GRIA1: variants seen among roughly 807,000 people sequenced by gnomAD.
GRIA1 encodes the protein glutamate ionotropic receptor AMPA type subunit 1.
GRIA1 carries 31 observed loss-of-function variants against 99.2 expected under a neutral mutation model. That is an observed-to-expected ratio of 0.31 (90% CI 0.23 to 0.42). The LOEUF is 0.42. GRIA1 is among the 10% of genes least tolerant of loss of function. GRIA1 has a pLI of 1.00. For missense variants in GRIA1, 782 were observed against 1,157.5 expected (o/e 0.68, Z 4.71); for synonymous variants, 438 against 432.4 (o/e 1.01, Z -0.16).
chr5:153,749,520 G>A (rs376121528), intron 11 of GRIA1, among the ~76,000 whole-genome samples: 39 of 152,284 alleles, frequency 2.6e-4, no homozygotes, highest in African/African-American at 9.2e-4. Context: ...ATCACATGGA[G>A]AGAGAGGGAG....
intron 10 of GRIA1, among the ~76,000 whole-genome samples, chr5:153,704,648 GCTATTATT>G (rs1758762980): frequency 1.3e-5 from 2 of 152,128 alleles, no homozygotes; most frequent in South Asian, 4.1e-4. Flanking sequence ...TTCATCACAG[GCTATTATT>G]CCCATGGTTC....
chr5:153,578,875 T>C (rs901313303), intron 2 of GRIA1, among the ~76,000 whole-genome samples: 2 of 152,074 alleles, frequency 1.3e-5, no homozygotes, highest in Non-Finnish European at 2.9e-5. Context: ...ACCATTGCAC[T>C]CCAGCCTGGG....
At chr5:153,686,529 T>C (rs1217627057) in intron 8 of GRIA1, among the ~76,000 whole-genome samples, 200 bp downstream of exon 8, 5 of 152,206 alleles carry the variant, frequency 3.3e-5, no homozygotes, top group African/African-American at 1.2e-4. Context: ...ATCCATTCAT[T>C]CATTTGCAAA....
chr5:153,584,091 CA>C (rs1459625503), intron 2 of GRIA1, among the ~76,000 whole-genome samples: 1 of 152,138 alleles, frequency 6.6e-6, no homozygotes, highest in African/African-American at 2.4e-5. Context: ...GCCTCCATCC[CA>C]AAGGATATGG....
rs1229374255 is a variant in GRIA1 at position 153,698,064 on chromosome 5, T to C, written c.1155T>C (p.Asp385=). 1.2e-6 allele frequency: 2 copies of C among 1,604,534 alleles called. No homozygotes were observed. Among genetic ancestry groups the C allele is most frequent in the African/African-American group, 1.3e-5 (1 of 74,860 alleles). ...AACAGATTGGTTACTGGAATGAAGA[T>C]GATAAGTTTGTCCCTGCAGCCACCG... ...GIRKIGYWNE[D]DKFVPAATDA... The change falls in exon 9 of 16, where the codon GAT becomes GAC. Residue 385 remains aspartate, a synonymous_variant. Coordinates refer to ENST00000285900, the MANE Select transcript of GRIA1 (RefSeq NM_000827.4).
intron 12 of GRIA1, among the ~76,000 whole-genome samples, chr5:153,765,689 A>T (rs953740052): frequency 6.6e-6 from 1 of 152,148 alleles, no homozygotes; most frequent in Non-Finnish European, 1.5e-5. Context: ...TTGAAGAAAC[A>T]GTACATGGAA....
chr5:153,666,773 T>C (rs1237423482), intron 5 of GRIA1, among the ~76,000 whole-genome samples: 1 of 152,222 alleles, frequency 6.6e-6, no homozygotes, highest in Non-Finnish European at 1.5e-5. Flanking sequence ...CAGTTTCTAC[T>C]ACACAGTACA....
rs146585056 is a variant in GRIA1, at chr5:153,738,630, T to G, written c.1824-25804T>G. ...TCCTGATTCCATTTGGGTTTGTTCA[T>G]TTTTCCTCCACCCTTGCTGCCATGA... On this transcript the variant is annotated intron_variant, in intron 11 of 15. Transcript: ENST00000285900. Among the ~76,000 whole-genome samples, 1,293 of 151,902 alleles carry G rather than the reference T, an allele frequency of 8.5e-3. 7 individuals are homozygous for G. The highest frequency in any genetic ancestry group is 0.014 in the South Asian group (66 of 4,806).
intron 12 of GRIA1, among the ~76,000 whole-genome samples, 165 bp downstream of exon 12, chr5:153,764,797 C>G (rs963212281): frequency 2.0e-5 from 3 of 152,174 alleles, no homozygotes; most frequent in African/African-American, 7.2e-5. Context: ...CTACCACCCC[C>G]CTGAGAAATC....
rs540693629 is a variant in GRIA1 at position 153,812,558 on chromosome 5, AT to A, written c.*1336del. The A allele has an allele frequency of 2.0e-5, 3 of 152,362 alleles. 1 individual carries two copies. The South Asian group carries it at 6.2e-4, about 32-fold the overall frequency. The allele number at this position is 152,362 out of a possible 1,614,324, so 9.4% of individuals were successfully genotyped here. A position where few individuals can be genotyped will look rare whatever the true frequency, so the allele number is the denominator to read the frequency against. ...GGAGATGGATTAAGTTGATAATGAC[AT>A]TTAGGGCAACTTAAGACCTTTGATC... On this transcript the variant is annotated 3_prime_UTR_variant, in exon 16 of 16. Coordinates refer to ENST00000285900, the MANE Select transcript of GRIA1 (RefSeq NM_000827.4).
chr5:153,545,262 A>G (rs1280984583), intron 2 of GRIA1, among the ~76,000 whole-genome samples: 1 of 152,208 alleles, frequency 6.6e-6, no homozygotes, highest in Non-Finnish European at 1.5e-5. Flanking sequence ...GGAGAACGAC[A>G]GTTATGATAG....
chr5:153,616,776 T>C (rs1472806411), intron 2 of GRIA1, among the ~76,000 whole-genome samples: 1 of 152,182 alleles, frequency 6.6e-6, no homozygotes, highest in Non-Finnish European at 1.5e-5. Flanking sequence ...AAAGGGACTT[T>C]GGAAAAGTTG....
intron 5 of GRIA1, among the ~76,000 whole-genome samples, chr5:153,663,872 C>T (rs954056599): frequency 6.6e-6 from 1 of 152,196 alleles, no homozygotes; most frequent in Non-Finnish European, 1.5e-5. Flanking sequence ...ATCTCAAGCA[C>T]TTGGTGTGTG....
At chr5:153,581,959 T>C (rs1010051663) in intron 2 of GRIA1, among the ~76,000 whole-genome samples, 10 of 152,144 alleles carry the variant, frequency 6.6e-5, no homozygotes, top group African/African-American at 2.4e-4. Context: ...GGTTTCACCA[T>C]GTTGGCCAGG....
At chr5:153,759,114 T>C (rs531667557) in intron 11 of GRIA1, among the ~76,000 whole-genome samples, 1 of 151,066 alleles carries the variant, frequency 6.6e-6, no homozygotes, top group Non-Finnish European at 1.5e-5. Context: ...TAAATACCTA[T>C]GTCAAAAAAG....
intron 2 of GRIA1, among the ~76,000 whole-genome samples, chr5:153,636,124 T>G (rs1176373118): frequency 3.3e-5 from 5 of 152,110 alleles, no homozygotes; most frequent in South Asian, 4.1e-4. Flanking sequence ...AGAGTCACCA[T>G]GAAAGAACCA....
intron 2 of GRIA1, among the ~76,000 whole-genome samples, chr5:153,508,885 G>T (rs1755792760): frequency 6.6e-6 from 1 of 152,156 alleles, no homozygotes; most frequent in South Asian, 2.1e-4. Flanking sequence ...CTCCAGGAGG[G>T]TTCAGGTCTG....
intron 13 of GRIA1, among the ~76,000 whole-genome samples, chr5:153,785,383 T>C (rs916003995): frequency 6.6e-6 from 1 of 152,114 alleles, no homozygotes; most frequent in African/African-American, 2.4e-5. Context: ...ATCCTAGTGG[T>C]TCCCAAACTG....
rs890263786 is a variant in GRIA1, at chr5:153,535,882, T to C, written c.220+41817T>C. 2.6e-5 allele frequency among the ~76,000 whole-genome samples: 4 copies of C among 152,276 alleles called. 1 individual carries two copies. The highest frequency in any genetic ancestry group is 3.4e-3 in the Middle Eastern group (1 of 294). ...AGTTCTGGAGCTGTTACCTCTACTGTCTCCCTCTAATCTGTCACGCTGTCA... is the reference window on the plus strand; with the variant it reads ...AGTTCTGGAGCTGTTACCTCTACTGCCTCCCTCTAATCTGTCACGCTGTCA... On this transcript the variant is annotated intron_variant, in intron 2 of 15. Transcript: ENST00000285900.
Sources: allele counts gnomAD v4.1 joint callset (sites outside exome capture counted in the v4.1 genomes callset), GRCh38; gene constraint gnomAD v4.1.1; transcripts MANE v1.5; gene names NCBI Gene and HGNC (gene_info 2026-07-23, HGNC 2026-07-21).